The following QKI variants were observed in gnomAD, a reference collection of about 807,000 sequenced individuals.
The protein encoded by QKI is KH domain-containing RNA-binding protein QKI.
In QKI, 10 loss-of-function variants were observed where a neutral mutation model predicts 39.0. The ratio of observed to expected loss-of-function variants is 0.26; its 90% CI spans 0.16 to 0.43. QKI has a LOEUF of 0.43. Ranked by LOEUF, QKI falls within the 20% of genes least tolerant of loss-of-function variation. The pLI, the probability that QKI is intolerant of heterozygous loss-of-function variation, is 1.00. For missense variants in QKI, 218 were observed against 428.0 expected, an observed-to-expected ratio of 0.51 and a Z score of 4.33; for synonymous variants, 204 against 155.4, an observed-to-expected ratio of 1.31 and a Z score of -2.33.
chr6:163,441,916 A>G (rs1789787538), intron 1 of QKI, among the ~76,000 whole-genome samples: 1 of 152,190 alleles, frequency 6.6e-6, no homozygotes, highest in Non-Finnish European at 1.5e-5. Flanking sequence ...GCTGTAGGCT[A>G]TTGTTTATCT....
intron 4 of QKI, among the ~76,000 whole-genome samples, chr6:163,551,554 G>A (rs571701811): frequency 2.0e-5 from 3 of 152,310 alleles, no homozygotes; most frequent in East Asian, 1.9e-4. Flanking sequence ...TACCTCCTCT[G>A]GTGTTACCAC....
intron 3 of QKI, among the ~76,000 whole-genome samples, chr6:163,483,798 GAA>G (rs1793263280): frequency 6.6e-6 from 1 of 152,172 alleles, no homozygotes; most frequent in Admixed American, 6.5e-5. Context: ...CATGAATCAT[GAA>G]TGTTCTTAAT....
intron 3 of QKI, among the ~76,000 whole-genome samples, chr6:163,488,592 G>A (rs1777832711): frequency 6.6e-6 from 1 of 152,084 alleles, no homozygotes; most frequent in South Asian, 2.1e-4. Context: ...AGCAGTCTCA[G>A]AATAACTATA....
intron 7 of QKI, chr6:163,570,391 TACTA>T (rs558177156): frequency 1.1e-3 from 1,126 of 982,590 alleles, no homozygotes; most frequent in Middle Eastern, 2.1e-3. Context: ...CATTGACTGC[TACTA>T]ACTATTAGTT....
chr6:163,430,451 GT>G (rs1459253169), intron 1 of QKI, among the ~76,000 whole-genome samples: 1 of 150,054 alleles, frequency 6.7e-6, no homozygotes, highest in Non-Finnish European at 1.5e-5. Context: ...TATTTTTTTT[GT>G]TTTCCTAGTG....
intron 1 of QKI, among the ~76,000 whole-genome samples, chr6:163,420,159 T>C (rs887635802): frequency 3.5e-4 from 50 of 142,528 alleles, no homozygotes; most frequent in South Asian, 6.2e-4. Context: ...CTTTTCTTTT[T>C]TTTTTTTTTT....
intron 3 of QKI, among the ~76,000 whole-genome samples, chr6:163,531,802 G>A (rs113480459): frequency 0.014 from 2,174 of 152,234 alleles, 53 homozygotes; most frequent in African/African-American, 0.047. Flanking sequence ...CACTGTGCCC[G>A]GCTGAGTTTG....
Position 163,517,074 on chromosome 6 carries a change from TC to T in QKI, c.403-17907del, listed in dbSNP as rs1562505539. On this transcript the variant is annotated intron_variant, in intron 3 of 7. Transcript: ENST00000361752. ...CACACACTCACTCTCTCTCTCTCTC[TC>T]TCTCTTTCTCTCTCTCTCTCTCTCT... Among the ~76,000 whole-genome samples the T allele has an allele frequency of 1.3e-3, 79 of 62,058 alleles. No individual in the cohort carries two copies. In the East Asian group the frequency reaches 0.034, roughly 27 times the overall value. 40.7% of individuals were successfully genotyped at this position (62,058 alleles called of 152,430 possible).
chr6:163,506,527 T>G (rs1345135854), intron 3 of QKI, among the ~76,000 whole-genome samples: 22 of 152,194 alleles, frequency 1.4e-4, no homozygotes, highest in Admixed American at 1.2e-3. Flanking sequence ...ACCTGGTTTC[T>G]GGATTTTATT....
chr6:163,440,319 T>G (rs972236656), intron 1 of QKI, among the ~76,000 whole-genome samples: 8 of 152,228 alleles, frequency 5.3e-5, no homozygotes. Flanking sequence ...TTCATCTTTA[T>G]GTGGTCTTTG....
At chr6:163,538,427 G>A (rs184282676) in intron 4 of QKI, among the ~76,000 whole-genome samples, 13 of 152,122 alleles carry the variant, frequency 8.5e-5, no homozygotes, top group African/African-American at 2.7e-4. Context: ...CGAAAAGTGC[G>A]GTGGCCCTGA....
chr6:163,417,075 T>TAG (rs1232162588), intron 1 of QKI, among the ~76,000 whole-genome samples: 1 of 152,202 alleles, frequency 6.6e-6, no homozygotes, highest in African/African-American at 2.4e-5. Context: ...ACTTAAGTTA[T>TAG]AGATTATTTG....
intron 1 of QKI, chr6:163,428,862 G>T (rs1431597743): frequency 1.3e-5 from 2 of 152,058 alleles, no homozygotes; most frequent in Non-Finnish European, 2.9e-5. Flanking sequence ...GAGAACCAAG[G>T]AGGAAGAGAT....
At chr6:163,415,390 T>C in intron 1 of QKI, 55 bp downstream of exon 1, 3 of 1,277,540 alleles carry the variant, frequency 2.3e-6, no homozygotes, top group East Asian at 4.7e-5. Flanking sequence ...GCGGCCCCTT[T>C]CCCCGCTTGG....
rs146832012 is a variant in QKI, at chr6:163,552,956, C to T, written c.547-9026C>T. ...CTCTAAGCCTCCTCACCACCACTCC[C>T]GCCACAGTGGGTATACTTTTCTTAG... On this transcript the variant is annotated intron_variant, in intron 4 of 7. Transcript: ENST00000361752. Among the ~76,000 whole-genome samples the T allele has an allele frequency of 3.9e-5, 6 of 151,942 alleles. No individual in the cohort carries two copies. In the East Asian group the frequency reaches 9.6e-4, roughly 24 times the overall value.
At chr6:163,494,900 CTT>C (rs1203388526) in intron 3 of QKI, among the ~76,000 whole-genome samples, 1 of 150,106 alleles carries the variant, frequency 6.7e-6, no homozygotes, top group Non-Finnish European at 1.5e-5. Flanking sequence ...CATAAGGTGT[CTT>C]TTTTTATTAT....
At chr6:163,502,447 C>T (rs1778831637) in intron 3 of QKI, among the ~76,000 whole-genome samples, 1 of 152,000 alleles carries the variant, frequency 6.6e-6, no homozygotes, top group South Asian at 2.1e-4. Flanking sequence ...CCATTTGAAC[C>T]TAATGTTGAG....
At chr6:163,565,608 G>C in intron 6 of QKI, 5 of 1,006,602 alleles carry the variant, frequency 5.0e-6, no homozygotes, top group Non-Finnish European at 4.7e-6. Context: ...AAAATATGCA[G>C]ATTTCTAATT....
intron 4 of QKI, among the ~76,000 whole-genome samples, chr6:163,559,979 T>A (rs895032588): frequency 6.6e-6 from 1 of 152,184 alleles, no homozygotes; most frequent in Non-Finnish European, 1.5e-5. Flanking sequence ...GGGCAGTTAG[T>A]TCTATCTCTA....
Sources: allele counts gnomAD v4.1 joint callset (sites outside exome capture counted in the v4.1 genomes callset), GRCh38; gene constraint gnomAD v4.1.1; transcripts MANE v1.5; gene names NCBI Gene and HGNC (gene_info 2026-07-23, HGNC 2026-07-21).